Variants in AANAT observed in about 807,000 individuals in gnomAD.
The protein encoded by AANAT is aralkylamine N-acetyltransferase.
AANAT carries 11 observed loss-of-function variants against 15.6 expected under a neutral mutation model. The observed-to-expected ratio is 0.71, with a 90% CI of 0.44 to 1.17. The LOEUF (loss-of-function observed/expected upper bound fraction) is 1.17. Among genes scored for constraint, AANAT ranks in the 50% most tolerant of loss-of-function variants. The pLI is 0.00. For missense variants in AANAT, 286 were observed against 296.3 expected (o/e 0.97, Z 0.26); for synonymous variants, 139 against 131.5 (o/e 1.06, Z -0.39).
At chr17:76,456,584 A>G (rs1382520058) in intron 1 of AANAT, among the ~76,000 whole-genome samples, 1 of 152,180 alleles carries the variant, frequency 6.6e-6, no homozygotes, top group Non-Finnish European at 1.5e-5. Context: ...CCAGAACACA[A>G]TGCCAAATGA....
At chr17:76,467,129 G>A (rs72466440), upstream of AANAT, among the ~76,000 whole-genome samples, 267 of 152,290 alleles carry the variant, frequency 1.8e-3, no homozygotes, top group Non-Finnish European at 3.1e-3. Context: ...CTGGGAATGG[G>A]TGGAGCCAAG....
At chr17:76,463,309 CTTTT>C (rs60885549), upstream of AANAT, among the ~76,000 whole-genome samples, 2 of 111,978 alleles carry the variant, frequency 1.8e-5, no homozygotes, top group Non-Finnish European at 1.7e-5. Flanking sequence ...GGAAGGATTC[CTTTT>C]TTTTTTTTTT....
At chr17:76,467,580 A>T (rs72466441), upstream of AANAT, 5 of 985,320 alleles carry the variant, frequency 5.1e-6, no homozygotes, top group East Asian at 1.1e-4. Context: ...ACAAACCTCT[A>T]ACAGCACCAC....
chr17:76,467,939 G>A (rs1019168585), intron 1 of AANAT, among the ~76,000 whole-genome samples: 11 of 152,158 alleles, frequency 7.2e-5, no homozygotes, highest in Non-Finnish European at 1.6e-4. Context: ...TGAGCTGGAT[G>A]TGTGGGGCAG....
At chr17:76,462,718 C>T (rs552082615), upstream of AANAT, among the ~76,000 whole-genome samples, 13 of 152,268 alleles carry the variant, frequency 8.5e-5, no homozygotes, top group East Asian at 3.9e-4. Context: ...GACGATAACG[C>T]GAGATGTGCT....
At chr17:76,453,370 G>A (rs759348756) in exon 1 of AANAT, 10 of 329,000 alleles carry the variant, frequency 3.0e-5, no homozygotes, top group Non-Finnish European at 5.5e-5. Flanking sequence ...ACTAAGAAGG[G>A]GCGAGACCAG....
At chr17:76,457,103 C>T (rs544742048) in intron 1 of AANAT, among the ~76,000 whole-genome samples, 1 of 152,208 alleles carries the variant, frequency 6.6e-6, no homozygotes, top group Admixed American at 6.5e-5. Context: ...AGTGCAGTAG[C>T]GTGATCTTGA....
upstream of AANAT, chr17:76,467,560 T>TG (rs2073452275): frequency 2.0e-6 from 2 of 985,080 alleles, no homozygotes; most frequent in Non-Finnish European, 1.2e-6. Flanking sequence ...AGAGGTGGGG[T>TG]GGGGGGATTA....
At chr17:76,461,402 G>T (rs1327042535) in intron 2 of AANAT, among the ~76,000 whole-genome samples, 1 of 151,670 alleles carries the variant, frequency 6.6e-6, no homozygotes, top group Non-Finnish European at 1.5e-5. Context: ...CTGACTGTCT[G>T]TAAGGGGCAC....
chr17:76,454,160 C>G (rs1368822318), intron 1 of AANAT, among the ~76,000 whole-genome samples: 11 of 152,164 alleles, frequency 7.2e-5, no homozygotes, highest in Non-Finnish European at 4.4e-5. Context: ...CTGTTATGGT[C>G]TGCTCCATAT....
chr17:76,460,539 G>A (rs1317707052), intron 2 of AANAT, among the ~76,000 whole-genome samples: 1 of 152,134 alleles, frequency 6.6e-6, no homozygotes, highest in Non-Finnish European at 1.5e-5. Flanking sequence ...GGGCTCAAGC[G>A]ATCCTCCTGC....
In AANAT at chr17:76,469,231, G is replaced by T; in HGVS notation, c.222G>T (p.Leu74=). Reference sequence around the variant, plus strand: ...ACCTGGATGAGATCCGGCACTTCCTGACCCTATGTCCAGAGCTGTCCCTGG... The same window carrying T: ...ACCTGGATGAGATCCGGCACTTCCTTACCCTATGTCCAGAGCTGTCCCTGG... The part of the protein sequence containing the change: ...PLYLDEIRHF[L]TLCPELSLGW... Residue 74 remains leucine, a synonymous_variant, in exon 3 of 4, where the codon CTG becomes CTT. Coordinates refer to ENST00000392492, the MANE Select transcript of AANAT (RefSeq NM_001088.3). This position sits in a 1 kb window ranked among gnomAD's most constrained non-coding sequence, Gnocchi z 5.2. 6.2e-7 allele frequency: 1 copy of T among 1,614,180 alleles called. No homozygotes were observed. The highest frequency in any genetic ancestry group is 1.1e-5 in the South Asian group (1 of 91,084).
chr17:76,469,731 G>T lies in AANAT; in HGVS notation c.385G>T (p.Ala129Ser). 1 of 1,556,688 alleles carries T rather than the reference G, an allele frequency of 6.4e-7. No homozygotes were observed. Residue 129 changes from alanine (A) to serine (S), a missense_variant, in exon 4 of 4, where the codon GCC becomes TCC. Coordinates refer to ENST00000392492, the MANE Select transcript of AANAT (RefSeq NM_001088.3). This position sits in a 1 kb window ranked among gnomAD's most constrained non-coding sequence, Gnocchi z 5.2. ...CCTGCATGTGCTGGCCGTGCACCGC[G>T]CCTTCCGGCAGCAGGGCAGGGGCCC... ...AHLHVLAVHR[A>S]FRQQGRGPIL... is the part of the protein sequence containing the mutation.
Position 76,469,232 on chromosome 17 carries a change from A to T in AANAT, c.223A>T (p.Thr75Ser). The change falls in exon 3 of 4, where the codon ACC (threonine) becomes TCC (serine). Residue 75 changes from threonine to serine, a missense_variant. Physicochemically the swap from Thr to Ser is moderately conservative, Grantham distance 58. Coordinates refer to ENST00000392492, the MANE Select transcript of AANAT (RefSeq NM_001088.3). The surrounding 1 kb of genome is among the most constrained non-coding windows in gnomAD (Gnocchi z 5.2). ...LYLDEIRHFL[T>S]LCPELSLGWF... ...CCTGGATGAGATCCGGCACTTCCTG[A>T]CCCTATGTCCAGAGCTGTCCCTGGG... 1 of 1,613,992 alleles carries T rather than the reference A, an allele frequency of 6.2e-7. No individual in the cohort carries two copies. Among genetic ancestry groups the T allele is most frequent in the Non-Finnish European group, 8.5e-7 (1 of 1,179,974 alleles).
At chr17:76,455,597 T>C (rs1308260296) in intron 1 of AANAT, among the ~76,000 whole-genome samples, 1 of 151,302 alleles carries the variant, frequency 6.6e-6, no homozygotes, top group African/African-American at 2.4e-5. Flanking sequence ...TTTCCACATT[T>C]TTCTACACGA....
intron 2 of AANAT, among the ~76,000 whole-genome samples, chr17:76,460,540 A>T (rs995565536): frequency 5.3e-5 from 8 of 152,088 alleles, no homozygotes; most frequent in Non-Finnish European, 1.0e-4. Context: ...GGCTCAAGCG[A>T]TCCTCCTGCC....
Position 76,469,677 on chromosome 17 carries a change from C to A in AANAT, c.331C>A (p.Leu111Met). 1 of 1,498,800 alleles carries A rather than the reference C, an allele frequency of 6.7e-7. No homozygotes were observed. Among genetic ancestry groups the A allele is most frequent in the South Asian group, 1.3e-5 (1 of 74,514 alleles). The allele number at this position is 1,498,800 out of a possible 1,614,324, so 92.8% of individuals were successfully genotyped here. Residue 111 changes from leucine to methionine, a missense_variant, in exon 4 of 4, where the codon CTG becomes ATG. Physicochemically the swap from Leu to Met is conservative, Grantham distance 15. Transcript: ENST00000392492. The surrounding 1 kb of genome is among the most constrained non-coding windows in gnomAD (Gnocchi z 5.2). ...KERLMQESLTLHRSGGHIAHL... is the reference protein window; with the variant it reads ...KERLMQESLTMHRSGGHIAHL... ...TGCTCGCTCCCAGGAGTCACTGACG[C>A]TGCACAGGTCTGGGGGCCACATAGC...
chr17:76,462,290 T>C (rs1382530232), intron 2 of AANAT: 1 of 152,126 alleles, frequency 6.6e-6, no homozygotes, highest in African/African-American at 2.4e-5. Flanking sequence ...CGTGTGTTGG[T>C]ATGGGAGCTC....
At position 76,458,747 on chromosome 17, in the gene AANAT, C is replaced by A. The variant is rs1047745555; in HGVS notation, c.-575-500C>A. ...TGCTCAGGCCCAACACTGCCCTCTG[C>A]GGGAGCCTGCTTGGCCTCTCCATTG... On this transcript the variant is annotated intron_variant, in intron 1 of 6. Coordinates refer to the AANAT transcript ENST00000250615. 2.0e-5 allele frequency among the ~76,000 whole-genome samples: 3 copies of A among 152,194 alleles called. No individual in the cohort carries two copies. The East Asian group carries it at 5.8e-4, about 29-fold the overall frequency.
Sources: allele counts gnomAD v4.1 joint callset (sites outside exome capture counted in the v4.1 genomes callset), GRCh38; gene constraint gnomAD v4.1.1; non-coding constraint Gnocchi (gnomAD v3.1); transcripts MANE v1.5; gene names NCBI Gene and HGNC (gene_info 2026-07-23, HGNC 2026-07-21).